Variants in PLEKHH1 observed in about 807,000 individuals in gnomAD.
PLEKHH1 encodes the protein pleckstrin homology, MyTH4 and FERM domain containing H1.
A neutral mutation model predicts 160.0 loss-of-function variants in PLEKHH1; 104 were observed. That is an observed-to-expected ratio of 0.65 (90% CI 0.55 to 0.76). The LOEUF (loss-of-function observed/expected upper bound fraction) is 0.76, where lower values mean the gene tolerates loss of function less well. Ranked by LOEUF, PLEKHH1 falls within the 30% of genes least tolerant of loss-of-function variation. The pLI is 0.00. For missense variants in PLEKHH1, 1,427 were observed against 1,724.1 expected (o/e 0.83, Z 3.05); for synonymous variants, 619 against 678.4 (o/e 0.91, Z 1.36).
intron 26 of PLEKHH1, 124 bp from the exon 27 acceptor site, chr14:67,585,444 A>G: frequency 1.5e-6 from 1 of 671,030 alleles, no homozygotes; most frequent in South Asian, 1.8e-5. Context: ...TTTGTTTTCC[A>G]AGATGAGGTG....
intron 26 of PLEKHH1, 122 bp from the exon 27 acceptor site, chr14:67,585,446 G>T: frequency 1.5e-6 from 1 of 673,304 alleles, no homozygotes; most frequent in East Asian, 2.7e-5. Flanking sequence ...TGTTTTCCAA[G>T]ATGAGGTGGC....
intron 2 of PLEKHH1, among the ~76,000 whole-genome samples, chr14:67,549,457 G>A (rs557903014): frequency 1.3e-5 from 2 of 152,188 alleles, no homozygotes; most frequent in South Asian, 2.1e-4. Context: ...TTTTAGTAGC[G>A]ACGGGGTTTC....
intron 2 of PLEKHH1, among the ~76,000 whole-genome samples, chr14:67,544,773 G>A (rs1428758155): frequency 6.6e-6 from 1 of 152,212 alleles, no homozygotes; most frequent in East Asian, 1.9e-4. Context: ...TAGGCACCAT[G>A]GAAGATAGAC....
intron 2 of PLEKHH1, among the ~76,000 whole-genome samples, chr14:67,547,357 C>T (rs1004245773): frequency 6.6e-6 from 1 of 152,200 alleles, no homozygotes; most frequent in Non-Finnish European, 1.5e-5. Context: ...CTGTCCTCTG[C>T]AATCATCCCT....
At chr14:67,577,938 G>C in intron 18 of PLEKHH1, 85 bp from the exon 19 acceptor site, 1 of 1,264,376 alleles carries the variant, frequency 7.9e-7, no homozygotes, top group Non-Finnish European at 1.1e-6. Context: ...AACCTCCCTG[G>C]AGCCCTTGGA....
At chr14:67,581,839 G>A in intron 23 of PLEKHH1, 1 of 501,436 alleles carries the variant, frequency 2.0e-6, no homozygotes, top group Non-Finnish European at 3.6e-6. Flanking sequence ...AAGCTTAATG[G>A]TATCTTCAGA....
In PLEKHH1 at chr14:67,569,228, G is replaced by A. The variant is rs1410462018; in HGVS notation, c.1342+12G>A. The A allele has an allele frequency of 6.2e-7, 1 of 1,601,912 alleles. No individual in the cohort carries two copies. Among genetic ancestry groups the A allele is most frequent in the Non-Finnish European group, 8.6e-7 (1 of 1,168,994 alleles). Reference sequence around the variant, plus strand: ...TACTGCATGCTGCGGTGAGTTCCAAGTGAGGCTTGGAGGCACCAAACACCC... The same window carrying A: ...TACTGCATGCTGCGGTGAGTTCCAAATGAGGCTTGGAGGCACCAAACACCC... On this transcript the variant is annotated intron_variant, in intron 8 of 28. Transcript: ENST00000329153.
rs748275820 is a variant in PLEKHH1 at position 67,583,859 on chromosome 14, A to T, written c.3545A>T (p.His1182Leu). 6.2e-7 allele frequency: 1 copy of T among 1,613,622 alleles called. No individual in the cohort carries two copies. Among genetic ancestry groups the T allele is most frequent in the Non-Finnish European group, 8.5e-7 (1 of 1,179,662 alleles). ...LDRFHPRRYR[H>L]GAPAEQLRHL... ...AGGTTCCACCCCAGGCGCTATAGACATGGGGCCCCCGCTGAACAGCTGAGG... is the reference window on the plus strand; with the variant it reads ...AGGTTCCACCCCAGGCGCTATAGACTTGGGGCCCCCGCTGAACAGCTGAGG... The change falls in exon 25 of 29, where the codon CAT becomes CTT. Residue 1182 changes from histidine (H) to leucine (L), a missense_variant. Coordinates refer to ENST00000329153, the MANE Select transcript of PLEKHH1 (RefSeq NM_020715.3).
At position 67,580,413 on chromosome 14, in the gene PLEKHH1, GA is replaced by G. The variant is rs1172226676; in HGVS notation, c.3184-524del. The stretch of plus-strand genomic sequence containing the variant: ...GTGGTCTGGGATTACTGTCCTGGGG[GA>G]TAAGTGTTTGTAAGAATGTGCTCTA... On this transcript the variant is annotated intron_variant, in intron 22 of 28. Transcript: ENST00000329153. 8 of 168,422 alleles carry G rather than the reference GA, an allele frequency of 4.7e-5. No homozygotes were observed. The South Asian group carries it at 7.7e-4, about 16-fold the overall frequency. The allele number at this position is 168,422 out of a possible 1,614,324, so 10.4% of individuals were successfully genotyped here.
Position 67,574,367 on chromosome 14 carries a change from T to G in PLEKHH1, c.2052T>G (p.Gly684=), listed in dbSNP as rs761163856. 2 of 1,591,810 alleles carry G rather than the reference T, an allele frequency of 1.3e-6. No individual in the cohort carries two copies. The highest frequency in any genetic ancestry group is 1.8e-5 in the Admixed American group (1 of 56,542). ...CCGGGCCTCCAGCTCTGCTTCGGGGTGGCACCAAGCCCACCGTGAAGGGCT... is the reference window on the plus strand; with the variant it reads ...CCGGGCCTCCAGCTCTGCTTCGGGGGGGCACCAAGCCCACCGTGAAGGGCT... ...QATGPPALLR[G]GTKPTVKGWL... is the part of the protein sequence containing the mutation. Residue 684 remains glycine (G), a synonymous_variant, in exon 14 of 29, where the codon GGT becomes GGG. Transcript: ENST00000329153. This position sits in a 1 kb window ranked among gnomAD's most constrained non-coding sequence, Gnocchi z 4.2.
In PLEKHH1 at chr14:67,569,999, C is replaced by T. The variant is rs2035294371; in HGVS notation, c.1421C>T (p.Thr474Ile). 5.6e-6 allele frequency: 9 copies of T among 1,598,032 alleles called. No individual in the cohort carries two copies. Among genetic ancestry groups the T allele is most frequent in the Non-Finnish European group, 6.8e-6 (8 of 1,169,064 alleles). Residue 474 changes from threonine (T) to isoleucine (I), a missense_variant, in exon 9 of 29, where the codon ACA becomes ATA. Physicochemically the swap from Thr to Ile is moderately conservative, Grantham distance 89 (BLOSUM62 -1). This residue lies in a region of PLEKHH1 where 831 missense variants were observed against 929.2 expected (regional missense o/e 0.89). Coordinates refer to ENST00000329153, the MANE Select transcript of PLEKHH1 (RefSeq NM_020715.3). ...VYKNVTVPVY[T>I]ALKGRATQIS... ...AAGAATGTCACTGTGCCTGTCTACACAGCACTGAAGGGGGTAAGAAACTGC... is the reference window on the plus strand; with the variant it reads ...AAGAATGTCACTGTGCCTGTCTACATAGCACTGAAGGGGGTAAGAAACTGC...
rs1438029192 is a variant in PLEKHH1, at chr14:67,582,376, C to T, written c.3426+166C>T. On this transcript the variant is annotated intron_variant, in intron 24 of 28. Transcript: ENST00000329153. The surrounding 1 kb of genome is among the most constrained non-coding windows in gnomAD (Gnocchi z 5.0). ...AGCTGACTTCTACAGATCAGAGCTC[C>T]TCACTCACCGCAGATATAGGATGCG... The T allele has an allele frequency of 3.4e-6, 4 of 1,186,176 alleles. No homozygotes were observed. The highest frequency in any genetic ancestry group is 4.2e-5 in the Admixed American group (2 of 47,624). The allele number at this position is 1,186,176 out of a possible 1,614,324, so 73.5% of individuals were successfully genotyped here. A position where few individuals can be genotyped will look rare whatever the true frequency, so the allele number is the denominator to read the frequency against.
chr14:67,546,905 C>T (rs1436129353), intron 2 of PLEKHH1, among the ~76,000 whole-genome samples: 1 of 152,082 alleles, frequency 6.6e-6, no homozygotes, highest in Non-Finnish European at 1.5e-5. Flanking sequence ...TTCTGTTTGC[C>T]TAAAGTATTT....
chr14:67,538,844 G>A (rs529886223), intron 1 of PLEKHH1, among the ~76,000 whole-genome samples: 2 of 152,256 alleles, frequency 1.3e-5, no homozygotes, highest in African/African-American at 4.8e-5. Flanking sequence ...TGCTTGATTG[G>A]GGAAAGCATT....
At position 67,576,070 on chromosome 14, in the gene PLEKHH1, C is replaced by CT; in HGVS notation, c.2352+68dup. The CT allele has an allele frequency of 7.6e-7, 1 of 1,308,200 alleles. No individual in the cohort carries two copies. Among genetic ancestry groups the CT allele is most frequent in the Non-Finnish European group, 1.1e-6 (1 of 938,138 alleles). 81.0% of individuals were successfully genotyped at this position (1,308,200 alleles called of 1,614,324 possible). A position where few individuals can be genotyped will look rare whatever the true frequency, so the allele number is the denominator to read the frequency against. On this transcript the variant is annotated intron_variant, in intron 16 of 28. Transcript: ENST00000329153. This position sits in a 1 kb window ranked among gnomAD's most constrained non-coding sequence, Gnocchi z 4.0. Reference sequence around the variant, plus strand: ...CTGTGATTCTGATCTTCCCTTCTCTCTTTCTCCTGAGCTTCCCAAAATTCA... The same window carrying CT: ...CTGTGATTCTGATCTTCCCTTCTCTCTTTTCTCCTGAGCTTCCCAAAATTCA...
chr14:67,577,981 G>C, intron 18 of PLEKHH1, 42 bp from the exon 19 acceptor site: 1 of 1,582,656 alleles, frequency 6.3e-7, no homozygotes, highest in Middle Eastern at 2.0e-4. Flanking sequence ...TCTGAACCCA[G>C]GGGATGCTGG....
chr14:67,570,188 T>C (rs1399971929), intron 9 of PLEKHH1, 176 bp downstream of exon 9: 1 of 292,714 alleles, frequency 3.4e-6, no homozygotes, highest in Non-Finnish European at 5.1e-6. Flanking sequence ...TTATAAAAAT[T>C]CCACATTTAC....
In PLEKHH1 at chr14:67,564,144, G is replaced by A. The variant is rs183326915; in HGVS notation, c.1263+1250G>A. On this transcript the variant is annotated intron_variant, in intron 7 of 28. Coordinates refer to ENST00000329153, the MANE Select transcript of PLEKHH1 (RefSeq NM_020715.3). ...TCTCGATCTCCTGACCTCGTGATCCGCCCGCCTCAGCCTCCCAAAGTGTAA... is the reference window on the plus strand; with the variant it reads ...TCTCGATCTCCTGACCTCGTGATCCACCCGCCTCAGCCTCCCAAAGTGTAA... Among the ~76,000 whole-genome samples, 1,100 of 151,304 alleles carry A rather than the reference G, an allele frequency of 7.3e-3. 3 individuals carry two copies. Among genetic ancestry groups the A allele is most frequent in the Non-Finnish European group, 0.011 (717 of 67,782 alleles).
At chr14:67,583,972 T>G in intron 25 of PLEKHH1, 23 bp from the exon 26 acceptor site, 1 of 1,613,858 alleles carries the variant, frequency 6.2e-7, no homozygotes, top group Non-Finnish European at 8.5e-7. Context: ...TTGGCACTAT[T>G]TCTCTCCATC....
Sources: allele counts gnomAD v4.1 joint callset (sites outside exome capture counted in the v4.1 genomes callset), GRCh38; gene constraint gnomAD v4.1.1; regional missense constraint gnomAD v4.1.1; non-coding constraint Gnocchi (gnomAD v3.1); transcripts MANE v1.5; gene names NCBI Gene and HGNC (gene_info 2026-07-23, HGNC 2026-07-21).